The following ZFP64 variants were observed in gnomAD, a reference collection of about 807,000 sequenced individuals.
The protein encoded by ZFP64 is zinc finger protein 64.
A neutral mutation model predicts 51.6 loss-of-function variants in ZFP64; 14 were observed. The observed-to-expected ratio is 0.27, with a 90% CI of 0.18 to 0.42. The LOEUF (loss-of-function observed/expected upper bound fraction) is 0.42. Ranked by LOEUF, ZFP64 falls within the 10% of genes least tolerant of loss-of-function variation. The pLI is 1.00. For missense variants in ZFP64, 754 were observed against 906.8 expected (o/e 0.83, Z 2.16); for synonymous variants, 375 against 361.4 (o/e 1.04, Z -0.43).
At chr20:52,121,369 A>G (rs1979182707) in intron 5 of ZFP64, among the ~76,000 whole-genome samples, 1 of 151,574 alleles carries the variant, frequency 6.6e-6, no homozygotes, top group South Asian at 2.1e-4. Context: ...TAAAAGTGCT[A>G]CTCCAGTGAA....
At position 52,152,861 on chromosome 20, in the gene ZFP64, T is replaced by C; in HGVS notation, c.1331A>G (p.Lys444Arg). Residue 444 changes from lysine (K) to arginine (R), a missense_variant, in exon 6 of 6, where the codon AAG (lysine) becomes AGG (arginine). Coordinates refer to ENST00000216923, the MANE Select transcript of ZFP64 (RefSeq NM_018197.3). ...FMREDSLRSH[K>R]RQHSEYSESK... ...CTCACTGTACTCACTGTGCTGTCTC[T>C]TGTGGCTGCGGAGCGAGTCCTCCCG... 2 of 1,614,186 alleles carry C rather than the reference T, an allele frequency of 1.2e-6. No individual in the cohort carries two copies. The highest frequency in any genetic ancestry group is 1.7e-6 in the Non-Finnish European group (2 of 1,180,040).
At chr20:52,100,492 C>T (rs1204274362) in intron 5 of ZFP64, among the ~76,000 whole-genome samples, 1 of 152,158 alleles carries the variant, frequency 6.6e-6, no homozygotes, top group African/African-American at 2.4e-5. Context: ...GTGATCCGCC[C>T]ATCTCAGCCT....
intron 5 of ZFP64, among the ~76,000 whole-genome samples, chr20:52,099,234 C>G (rs186388159): frequency 3.9e-5 from 6 of 151,922 alleles, no homozygotes; most frequent in African/African-American, 1.4e-4. Context: ...ATATGATAAA[C>G]AAGAATTAGG....
intron 5 of ZFP64, among the ~76,000 whole-genome samples, chr20:52,157,006 G>T (rs1981375801): frequency 6.6e-6 from 1 of 152,180 alleles, no homozygotes; most frequent in South Asian, 2.1e-4. Context: ...AAGATTACTG[G>T]ATATAGTTTC....
chr20:52,142,387 C>G (rs1163393749), intron 5 of ZFP64, among the ~76,000 whole-genome samples: 1 of 143,472 alleles, frequency 7.0e-6, no homozygotes, highest in African/African-American at 2.6e-5. Context: ...GACACACACA[C>G]ACACACACAC....
At chr20:52,095,131 G>T (rs1358332947) in intron 7 of ZFP64, among the ~76,000 whole-genome samples, 1 of 152,190 alleles carries the variant, frequency 6.6e-6, no homozygotes, top group Non-Finnish European at 1.5e-5. Context: ...TTACAACTGG[G>T]TCAGAGACAC....
chr20:52,157,718 C>A (rs184751637), intron 5 of ZFP64, among the ~76,000 whole-genome samples: 1 of 152,096 alleles, frequency 6.6e-6, no homozygotes, highest in Non-Finnish European at 1.5e-5. Context: ...ATGTGCAGAA[C>A]GTGCAGGTTT....
chr20:52,119,533 A>AATAT lies in ZFP64; in HGVS notation c.764-20950_764-20947dup, dbSNP rs71192595. ...TGAGACTTCATCTAAAAAAAAAAAA[A>AATAT]ATATATATATATATATATATACATA... is the stretch of plus-strand genomic sequence containing the variant. On this transcript the variant is annotated intron_variant, in intron 5 of 8. Transcript: ENST00000361387. Among the ~76,000 whole-genome samples the AATAT allele has an allele frequency of 4.5e-3, 404 of 89,788 alleles. 3 individuals carry two copies. The highest frequency in any genetic ancestry group is 0.013 in the African/African-American group (271 of 21,072). 58.9% of individuals were successfully genotyped at this position (89,788 alleles called of 152,430 possible). A position where few individuals can be genotyped will look rare whatever the true frequency, so the allele number is the denominator to read the frequency against.
chr20:52,185,994 A>G (rs989518007), intron 2 of ZFP64, among the ~76,000 whole-genome samples: 13 of 152,126 alleles, frequency 8.5e-5, no homozygotes, highest in African/African-American at 2.9e-4. Context: ...TTGTCTTTAG[A>G]TTTTGCATTT....
Position 52,160,124 on chromosome 20 carries a change from C to T in ZFP64, c.762G>A (p.Thr254=), listed in dbSNP as rs774019287. ...SQLTVHLRSH[T]GDAPFQCWLC... ...GAGCAAATAACAGGCAGGACTCACC[C>T]GTGTGGGATCGCAGGTGGACAGTGA... Residue 254 remains threonine (T), a splice_region_variant and synonymous_variant, in exon 5 of 6, where the codon ACG becomes ACA. Coordinates refer to ENST00000216923, the MANE Select transcript of ZFP64 (RefSeq NM_018197.3). This position sits in a 1 kb window ranked among gnomAD's most constrained non-coding sequence, Gnocchi z 4.2. 25 of 1,614,228 alleles carry T rather than the reference C, an allele frequency of 1.5e-5. No homozygotes were observed. The highest frequency in any genetic ancestry group is 1.5e-4 in the Admixed American group (9 of 60,020).
chr20:52,092,580 T>C (rs1033865982), intron 7 of ZFP64, among the ~76,000 whole-genome samples: 2 of 152,212 alleles, frequency 1.3e-5, no homozygotes, highest in African/African-American at 2.4e-5. Flanking sequence ...CCGGGTGCAG[T>C]GGCTCACACC....
intron 5 of ZFP64, among the ~76,000 whole-genome samples, chr20:52,138,091 C>A: frequency 1.3e-5 from 2 of 151,658 alleles, no homozygotes; most frequent in Admixed American, 6.6e-5. Context: ...TCTGGAGTCC[C>A]AACTACTTGG....
At chr20:52,103,284 T>G (rs144724259) in intron 5 of ZFP64, among the ~76,000 whole-genome samples, 1 of 152,174 alleles carries the variant, frequency 6.6e-6, no homozygotes, top group Non-Finnish European at 1.5e-5. Flanking sequence ...TACTTTCCAT[T>G]TTATTTTCCT....
At chr20:52,184,095 C>A (rs1392230453) in intron 2 of ZFP64, among the ~76,000 whole-genome samples, 1 of 152,152 alleles carries the variant, frequency 6.6e-6, no homozygotes, top group African/African-American at 2.4e-5. Context: ...AGTGATCCGC[C>A]TCGGTCTCCC....
intron 2 of ZFP64, among the ~76,000 whole-genome samples, chr20:52,170,938 A>G (rs1043283974): frequency 5.9e-5 from 9 of 152,210 alleles, no homozygotes; most frequent in African/African-American, 1.9e-4. Flanking sequence ...AAAATAAAGC[A>G]GGGAAGGGAA....
chr20:52,161,147 C>T (rs918418133), intron 4 of ZFP64, among the ~76,000 whole-genome samples: 5 of 152,134 alleles, frequency 3.3e-5, no homozygotes, highest in Non-Finnish European at 7.4e-5. Flanking sequence ...TGCTCACCTC[C>T]GGACAGTTAC....
chr20:52,157,754 G>A (rs1191725577), intron 5 of ZFP64, among the ~76,000 whole-genome samples: 1 of 152,142 alleles, frequency 6.6e-6, no homozygotes. Context: ...ACGTGCCATG[G>A]TGGTTTGCTG....
chr20:52,117,418 C>T (rs751893549), intron 5 of ZFP64, among the ~76,000 whole-genome samples: 28 of 151,896 alleles, frequency 1.8e-4, no homozygotes, highest in Admixed American at 2.0e-4. Flanking sequence ...CAGGACTTTG[C>T]GATCTGCCTG....
intron 5 of ZFP64, chr20:52,105,233 G>T: frequency 7.5e-7 from 1 of 1,340,088 alleles, no homozygotes; most frequent in South Asian, 2.1e-5. Flanking sequence ...CTTGCGCCGC[G>T]ACATGGCGCG....
Sources: allele counts gnomAD v4.1 joint callset (sites outside exome capture counted in the v4.1 genomes callset), GRCh38; gene constraint gnomAD v4.1.1; non-coding constraint Gnocchi (gnomAD v3.1); transcripts MANE v1.5; gene names NCBI Gene and HGNC (gene_info 2026-07-23, HGNC 2026-07-21).